Variants in ZNF622 observed in about 807,000 individuals in gnomAD.
ZNF622 encodes the protein zinc finger protein 622.
ZNF622 carries 34 observed loss-of-function variants against 49.7 expected under a neutral mutation model. The ratio of observed to expected loss-of-function variants is 0.68; its 90% CI spans 0.52 to 0.91. ZNF622 has a LOEUF of 0.91. Ranked by LOEUF, ZNF622 falls within the 40% of genes least tolerant of loss-of-function variation. ZNF622 has a pLI of 0.00. For missense variants in ZNF622, 569 were observed against 616.4 expected (o/e 0.92, Z 0.81); for synonymous variants, 209 against 228.7 (o/e 0.91, Z 0.78).
chr5:16,462,839 A>G (rs1436633133), intron 3 of ZNF622, among the ~76,000 whole-genome samples: 1 of 152,208 alleles, frequency 6.6e-6, no homozygotes, highest in Non-Finnish European at 1.5e-5. Context: ...GGTAACTGGC[A>G]AAACTGAACT....
chr5:16,461,161 C>G (rs897291022), intron 3 of ZNF622, among the ~76,000 whole-genome samples: 5 of 152,180 alleles, frequency 3.3e-5, no homozygotes, highest in Non-Finnish European at 5.9e-5. Context: ...TAAACAAATA[C>G]AGCAGCAAAT....
intron 4 of ZNF622, among the ~76,000 whole-genome samples, chr5:16,455,191 A>C (rs1291907447): frequency 1.3e-5 from 2 of 152,208 alleles, no homozygotes; most frequent in Non-Finnish European, 2.9e-5. Context: ...GGTTTCCAGG[A>C]AAGATTTATA....
In ZNF622 at chr5:16,463,508, T is replaced by A; in HGVS notation, c.860A>T (p.Asp287Val). 1 of 1,613,730 alleles carries A rather than the reference T, an allele frequency of 6.2e-7. No homozygotes were observed. ...CAAGTATTTAATCAGTCCCTTAATA[T>A]CTGAAAGATATTCTATATCAGGAAT... ...FFIPDIEYLS[D>V]IKGLIKYLGE... Residue 287 changes from aspartate to valine, a missense_variant, in exon 2 of 6, where the codon GAT (aspartate) becomes GTT (valine). By Grantham distance (152) the Asp-to-Val change is radical. Coordinates refer to ENST00000308683, the MANE Select transcript of ZNF622 (RefSeq NM_033414.3). This position sits in a 1 kb window ranked among gnomAD's most constrained non-coding sequence, Gnocchi z 4.2.
At chr5:16,460,793 G>C (rs938257836) in intron 3 of ZNF622, among the ~76,000 whole-genome samples, 1 of 151,996 alleles carries the variant, frequency 6.6e-6, no homozygotes, top group African/African-American at 2.4e-5. Flanking sequence ...GGCACCAACA[G>C]AATAAAACTG....
chr5:16,462,003 T>C (rs1212918749), intron 3 of ZNF622, among the ~76,000 whole-genome samples: 1 of 152,154 alleles, frequency 6.6e-6, no homozygotes, highest in Non-Finnish European at 1.5e-5. Flanking sequence ...CAAAAGGTCA[T>C]AAACACTGCT....
At chr5:16,458,765 C>T in intron 3 of ZNF622, 136 bp from the exon 4 acceptor site, 1 of 580,452 alleles carries the variant, frequency 1.7e-6, no homozygotes, top group Non-Finnish European at 3.0e-6. Flanking sequence ...TAGGAACTAC[C>T]AGCTAAAAGG....
At chr5:16,462,795 A>C (rs1738141645) in intron 3 of ZNF622, among the ~76,000 whole-genome samples, 1 of 152,190 alleles carries the variant, frequency 6.6e-6, no homozygotes, top group Non-Finnish European at 1.5e-5. Context: ...GGAACCCAAT[A>C]TGTGAAACCT....
intron 4 of ZNF622, among the ~76,000 whole-genome samples, chr5:16,453,806 C>T (rs1416528063): frequency 1.3e-5 from 2 of 151,872 alleles, no homozygotes; most frequent in Non-Finnish European, 2.9e-5. Context: ...CTACTGGCAC[C>T]TAGTGGGTAG....
rs752144548 is a variant in ZNF622 at position 16,453,064 on chromosome 5, C to T, written c.1255G>A (p.Val419Met). The change falls in exon 5 of 6, where the codon GTG becomes ATG. Residue 419 changes from valine to methionine, a missense_variant. Val to Met is a conservative substitution (Grantham distance 21). Coordinates refer to ENST00000308683, the MANE Select transcript of ZNF622 (RefSeq NM_033414.3). ...AVAVAKNRKA[V>M]GRVLQQYRAL... ...CTGTACTGCTGAAGTACTCGGCCCA[C>T]GGCCTTCCGATTTTTGGCAACTGCC... is the stretch of plus-strand genomic sequence containing the variant. 26 of 1,584,544 alleles carry T rather than the reference C, an allele frequency of 1.6e-5. No homozygotes were observed. Among genetic ancestry groups the T allele is most frequent in the African/African-American group, 4.0e-5 (3 of 74,288 alleles).
In ZNF622 at chr5:16,451,558, G is replaced by A. The variant is rs1737932621; in HGVS notation, c.*99C>T. 2 of 1,463,314 alleles carry A rather than the reference G, an allele frequency of 1.4e-6. No individual in the cohort carries two copies. The highest frequency in any genetic ancestry group is 1.8e-6 in the Non-Finnish European group (2 of 1,090,008). 90.6% of individuals were successfully genotyped at this position (1,463,314 alleles called of 1,614,324 possible). On this transcript the variant is annotated 3_prime_UTR_variant, in exon 6 of 6. Coordinates refer to ENST00000308683, the MANE Select transcript of ZNF622 (RefSeq NM_033414.3). ...TTATTATTAGGTCAGAACGAATGAA[G>A]TAGCAGCAAAAGGGTCTCTCCTATG...
intron 5 of ZNF622, among the ~76,000 whole-genome samples, chr5:16,452,595 T>A (rs562620486): frequency 6.6e-6 from 1 of 152,330 alleles, no homozygotes; most frequent in South Asian, 2.1e-4. Context: ...CAGAAGCTTA[T>A]ATTAATTAAA....
In ZNF622 at chr5:16,465,780, G is replaced by T; in HGVS notation, c.-115C>A. On this transcript the variant is annotated 5_prime_UTR_variant, in exon 1 of 6. Transcript: ENST00000308683. The surrounding 1 kb of genome is among the most constrained non-coding windows in gnomAD (Gnocchi z 6.2). ...GCAGCCAGGAAGAGCCACTCGACAC[G>T]CCGACTTCCTGATTGTCACTGAGGA... is the stretch of plus-strand genomic sequence containing the variant. The T allele has an allele frequency of 1.5e-6, 2 of 1,360,412 alleles. No individual in the cohort carries two copies. Among genetic ancestry groups the T allele is most frequent in the Non-Finnish European group, 1.0e-6 (1 of 1,004,758 alleles). The allele number at this position is 1,360,412 out of a possible 1,614,324, so 84.3% of individuals were successfully genotyped here. A position where few individuals can be genotyped will look rare whatever the true frequency, so the allele number is the denominator to read the frequency against.
intron 5 of ZNF622, 62 bp from the exon 6 acceptor site, chr5:16,451,846 C>A: frequency 2.6e-6 from 4 of 1,562,262 alleles, no homozygotes; most frequent in Non-Finnish European, 3.5e-6. Flanking sequence ...CAGAGAAAAT[C>A]CAACCTTGGC....
At position 16,463,517 on chromosome 5, in the gene ZNF622, T is replaced by C. The variant is rs1171469093; in HGVS notation, c.851A>G (p.Tyr284Cys). The C allele has an allele frequency of 6.2e-7, 1 of 1,613,474 alleles. No homozygotes were observed. Among genetic ancestry groups the C allele is most frequent in the African/African-American group, 1.3e-5 (1 of 75,040 alleles). ...DHSFFIPDIEYLSDIKGLIKY... is the reference protein window; with the variant it reads ...DHSFFIPDIECLSDIKGLIKY... The stretch of plus-strand genomic sequence containing the variant: ...AATCAGTCCCTTAATATCTGAAAGA[T>C]ATTCTATATCAGGAATAAAGAAACT... Residue 284 changes from tyrosine to cysteine, a missense_variant, in exon 2 of 6, where the codon TAT becomes TGT. By Grantham distance (194) the Tyr-to-Cys change is radical (BLOSUM62 -2). Transcript: ENST00000308683. This position sits in a 1 kb window ranked among gnomAD's most constrained non-coding sequence, Gnocchi z 4.2.
At chr5:16,460,853 T>C (rs1738110174) in intron 3 of ZNF622, among the ~76,000 whole-genome samples, 1 of 152,176 alleles carries the variant, frequency 6.6e-6, no homozygotes, top group Non-Finnish European at 1.5e-5. Flanking sequence ...ACCGTTTCCA[T>C]CAGTTACATA....
intron 3 of ZNF622, among the ~76,000 whole-genome samples, chr5:16,462,884 G>C (rs1738143308): frequency 6.6e-6 from 1 of 152,112 alleles, no homozygotes; most frequent in African/African-American, 2.4e-5. Context: ...ACAAAAACAA[G>C]TCAAACTTCA....
Position 16,463,628 on chromosome 5 carries a change from C to T in ZNF622, c.740G>A (p.Gly247Asp). 1 of 1,614,194 alleles carries T rather than the reference C, an allele frequency of 6.2e-7. No individual in the cohort carries two copies. The highest frequency in any genetic ancestry group is 8.5e-7 in the Non-Finnish European group (1 of 1,180,040). The change falls in exon 2 of 6, where the codon GGT (glycine) becomes GAT (aspartate). Residue 247 changes from glycine to aspartate, a missense_variant. Transcript: ENST00000308683. This position sits in a 1 kb window ranked among gnomAD's most constrained non-coding sequence, Gnocchi z 4.2. ...EEEAEEGPPL[G>D]AIPITDCLFC... ...TAAGCAGTCCGTGATAGGGATGGCACCAAGGGGTGGGCCTTCCTCAGCCTC... is the reference window on the plus strand; with the variant it reads ...TAAGCAGTCCGTGATAGGGATGGCATCAAGGGGTGGGCCTTCCTCAGCCTC...
At chr5:16,461,562 T>C (rs1561069866) in intron 3 of ZNF622, among the ~76,000 whole-genome samples, 1 of 152,180 alleles carries the variant, frequency 6.6e-6, no homozygotes, top group Non-Finnish European at 1.5e-5. Flanking sequence ...CAAAAGCAGA[T>C]AAAGCAGAAT....
Position 16,465,639 on chromosome 5 carries a change from G to A in ZNF622, c.27C>T (p.Cys9=). 1 of 1,592,302 alleles carries A rather than the reference G, an allele frequency of 6.3e-7. No homozygotes were observed. The highest frequency in any genetic ancestry group is 1.3e-5 in the African/African-American group (1 of 74,426). The change falls in exon 1 of 6, where the codon TGC becomes TGT. Residue 9 remains cysteine (C), a synonymous_variant. Transcript: ENST00000308683. The surrounding 1 kb of genome is among the most constrained non-coding windows in gnomAD (Gnocchi z 6.2). ...TGTCCGCGTCGCGGAACGCCACCCG[G>A]CAAGTTATGCAGGTGTACGTCGCCA... MATYTCIT[C]RVAFRDADMQ... is the part of the protein sequence containing the mutation.
Sources: gnomAD v4.1 joint callset for allele counts (sites outside exome capture counted in the v4.1 genomes callset) on GRCh38, gnomAD v4.1.1 for gene constraint, Gnocchi (gnomAD v3.1) non-coding constraint, MANE v1.5 for transcripts, NCBI Gene and HGNC (gene_info 2026-07-23, HGNC 2026-07-21) for gene names.